Variants in PMEPA1 observed in about 807,000 individuals in gnomAD.
PMEPA1 encodes prostate transmembrane protein, androgen induced 1.
PMEPA1 carries 11 observed loss-of-function variants against 23.0 expected under a neutral mutation model. The observed-to-expected ratio is 0.48, with a 90% CI of 0.30 to 0.79. PMEPA1 has a LOEUF of 0.79. PMEPA1 is among the 30% of genes least tolerant of loss of function. The pLI is 0.06. For missense variants in PMEPA1, 377 were observed against 390.9 expected, an observed-to-expected ratio of 0.96 and a Z score of 0.30; for synonymous variants, 204 against 166.4, an observed-to-expected ratio of 1.23 and a Z score of -1.74.
chr20:57,652,189 G>A lies in PMEPA1; in HGVS notation c.728C>T (p.Ser243Phe), dbSNP rs754731494. The change falls in exon 4 of 4, where the codon TCC becomes TTC. Residue 243 changes from serine (S) to phenylalanine (F), a missense_variant. Physicochemically the swap from Ser to Phe is radical, Grantham distance 155. Transcript: ENST00000341744. This position sits in a 1 kb window ranked among gnomAD's most constrained non-coding sequence, Gnocchi z 6.1. The stretch of plus-strand genomic sequence containing the variant: ...CCCACTGCTCTGCTGGTGCTGGAAG[G>A]AGGACCCCGGGTAGTGGCCGATGAC... ...SEVIGHYPGS[S>F]FQHQQSSGPP... The A allele has an allele frequency of 9.3e-6, 15 of 1,609,696 alleles. No individual in the cohort carries two copies. Among genetic ancestry groups the A allele is most frequent in the Non-Finnish European group, 1.3e-5 (15 of 1,178,906 alleles).
In PMEPA1 at chr20:57,650,077, C is replaced by A. The variant is rs1478024091; in HGVS notation, c.*1976G>T. 6.6e-6 allele frequency: 1 copy of A among 152,426 alleles called. No individual in the cohort carries two copies. The highest frequency in any genetic ancestry group is 1.5e-5 in the Non-Finnish European group (1 of 68,022). The allele number at this position is 152,426 out of a possible 1,614,324, so 9.4% of individuals were successfully genotyped here. On this transcript the variant is annotated 3_prime_UTR_variant, in exon 4 of 4. Transcript: ENST00000341744. Reference sequence around the variant, plus strand: ...GGCAGGTTCTGCTGTTGCCAATGAACGAGAACTTTCTACTAGGCTGGCGGC... The same window carrying A: ...GGCAGGTTCTGCTGTTGCCAATGAAAGAGAACTTTCTACTAGGCTGGCGGC...
intron 1 of PMEPA1, among the ~76,000 whole-genome samples, chr20:57,662,135 G>C (rs2071430211): frequency 6.6e-6 from 1 of 152,198 alleles, no homozygotes; most frequent in Non-Finnish European, 1.5e-5. Context: ...CTGCACCCAG[G>C]GAACATGTGG....
At chr20:57,699,304 C>G (rs774557463) in intron 1 of PMEPA1, among the ~76,000 whole-genome samples, 1 of 152,234 alleles carries the variant, frequency 6.6e-6, no homozygotes, top group Non-Finnish European at 1.5e-5. Flanking sequence ...TACTTACCAT[C>G]GGCACCAACA....
rs1477511762 is a variant in PMEPA1 at position 57,709,716 on chromosome 20, T to G, written c.-134A>C. The G allele has an allele frequency of 1.0e-6, 1 of 976,564 alleles. No individual in the cohort carries two copies. Among genetic ancestry groups the G allele is most frequent in the East Asian group, 1.2e-4 (1 of 8,364 alleles). 60.5% of individuals were successfully genotyped at this position (976,564 alleles called of 1,614,324 possible). On this transcript the variant is annotated 5_prime_UTR_variant, in exon 1 of 4. Coordinates refer to ENST00000341744, the MANE Select transcript of PMEPA1 (RefSeq NM_020182.5). ...GGAGGCGCGCCCCGGCTCGCCGGGC[T>G]CGGGTCGCCGCCAAGTTCCCGGGGC...
chr20:57,701,379 A>C (rs185518418), intron 1 of PMEPA1, among the ~76,000 whole-genome samples: 1 of 152,224 alleles, frequency 6.6e-6, no homozygotes, highest in Admixed American at 6.5e-5. Context: ...TGCCAAGAAG[A>C]ATCACCCTAG....
At chr20:57,698,439 A>G (rs565444253) in intron 1 of PMEPA1, among the ~76,000 whole-genome samples, 4 of 152,244 alleles carry the variant, frequency 2.6e-5, no homozygotes, top group Admixed American at 6.5e-5. Context: ...AAATGACTCA[A>G]TAACGAGGAG....
chr20:57,683,558 T>TGTGCGTGTGA lies in PMEPA1; in HGVS notation c.110-23862_110-23861insTCACACGCAC, dbSNP rs1555882180. Among the ~76,000 whole-genome samples the TGTGCGTGTGA allele has an allele frequency of 4.3e-5, 6 of 141,096 alleles. No homozygotes were observed. The highest frequency in any genetic ancestry group is 1.7e-4 in the African/African-American group (6 of 35,694). The allele number at this position is 141,096 out of a possible 152,430, so 92.6% of individuals were successfully genotyped here. A position where few individuals can be genotyped will look rare whatever the true frequency, so the allele number is the denominator to read the frequency against. On this transcript the variant is annotated intron_variant, in intron 1 of 3. Coordinates refer to ENST00000341744, the MANE Select transcript of PMEPA1 (RefSeq NM_020182.5). The surrounding 1 kb of genome is among the most constrained non-coding windows in gnomAD (Gnocchi z 4.3). The stretch of plus-strand genomic sequence containing the variant: ...GGTGGTGTTCTGGCCTGTGTGCGTG[T>TGTGCGTGTGA]GTGTGTGTGTGTGTGTGTGTGTGTG...
At position 57,651,861 on chromosome 20, in the gene PMEPA1, T is replaced by C. The variant is rs538376088; in HGVS notation, c.*192A>G. 1.7e-3 allele frequency: 688 copies of C among 404,832 alleles called. 13 individuals are homozygous for C. The East Asian group carries it at 0.025, about 15-fold the overall frequency. The allele number at this position is 404,832 out of a possible 1,614,324, so 25.1% of individuals were successfully genotyped here. ...TTTTTTTTTTTCTTTTTTCTTTTTTTTTTTGCAAGCTCTCTTAGCTTGTGC... is the reference window on the plus strand; with the variant it reads ...TTTTTTTTTTTCTTTTTTCTTTTTTCTTTTGCAAGCTCTCTTAGCTTGTGC... On this transcript the variant is annotated 3_prime_UTR_variant, in exon 4 of 4. Transcript: ENST00000341744.
At chr20:57,674,902 G>C (rs897433218) in intron 1 of PMEPA1, among the ~76,000 whole-genome samples, 1 of 152,178 alleles carries the variant, frequency 6.6e-6, no homozygotes, top group African/African-American at 2.4e-5. Flanking sequence ...CAGAAATCAG[G>C]CTGGACTTAT....
At chr20:57,695,896 C>T (rs2146703765) in intron 1 of PMEPA1, among the ~76,000 whole-genome samples, 1 of 152,262 alleles carries the variant, frequency 6.6e-6, no homozygotes, top group South Asian at 2.1e-4. Context: ...TGCCACAGCC[C>T]CTCAGGTGGT....
chr20:57,654,232 T>C (rs2071293948), intron 2 of PMEPA1, among the ~76,000 whole-genome samples: 1 of 152,200 alleles, frequency 6.6e-6, no homozygotes, highest in Admixed American at 6.5e-5. Flanking sequence ...TATAGCTTCA[T>C]TGAAATATAA....
chr20:57,676,470 G>A lies in PMEPA1; in HGVS notation c.110-16773C>T, dbSNP rs146660990. 2.7e-3 allele frequency among the ~76,000 whole-genome samples: 412 copies of A among 152,356 alleles called. 1 individual carries two copies. The highest frequency in any genetic ancestry group is 9.5e-3 in the African/African-American group (395 of 41,570). On this transcript the variant is annotated intron_variant, in intron 1 of 3. Transcript: ENST00000341744. ...CATGGTGAATGCGTCAAGGATGTCA[G>A]GCGCACGTTTATTAACGATCTGGAG...
chr20:57,709,512 C>T lies in PMEPA1; in HGVS notation c.71G>A (p.Cys24Tyr). ...AAGQPNVSCT[C>Y]NCKRSLFQSM... The stretch of plus-strand genomic sequence containing the variant: ...CTGGAACAAAGAGCGTTTGCAGTTG[C>T]ACGTGCAGGAGACATTGGGCTGCCC... The change falls in exon 1 of 4, where the codon TGC becomes TAC. Residue 24 changes from cysteine to tyrosine, a missense_variant. Physicochemically the swap from Cys to Tyr is radical, Grantham distance 194 (BLOSUM62 -2). This residue lies in a region of PMEPA1 where 198 missense variants were observed against 196.3 expected (regional missense o/e 1.01). Transcript: ENST00000341744. 1.7e-6 allele frequency: 2 copies of T among 1,145,342 alleles called. No homozygotes were observed. Among genetic ancestry groups the T allele is most frequent in the South Asian group, 2.5e-5 (1 of 40,014 alleles). The allele number at this position is 1,145,342 out of a possible 1,614,324, so 70.9% of individuals were successfully genotyped here.
chr20:57,659,642 C>T lies in PMEPA1; in HGVS notation c.165G>A (p.Val55=), dbSNP rs145239374. Residue 55 remains valine, a synonymous_variant, in exon 2 of 4, where the codon GTG becomes GTA. Coordinates refer to ENST00000341744, the MANE Select transcript of PMEPA1 (RefSeq NM_020182.5). ...IIIVVVMMVM[V]VVITCLLSHY... ...GGCTCAGCAGGCACGTGATCACCAC[C>T]ACCATCACCATCATCACCACCACGA... 2.5e-6 allele frequency: 4 copies of T among 1,609,048 alleles called. No individual in the cohort carries two copies. Among genetic ancestry groups the T allele is most frequent in the Non-Finnish European group, 3.4e-6 (4 of 1,177,820 alleles).
At chr20:57,676,455 G>C (rs1462683980) in intron 1 of PMEPA1, among the ~76,000 whole-genome samples, 1 of 152,246 alleles carries the variant, frequency 6.6e-6, no homozygotes, top group Non-Finnish European at 1.5e-5. Flanking sequence ...CATGGTGAAT[G>C]CGTCAAGGAT....
chr20:57,705,410 A>G (rs1260271072), intron 1 of PMEPA1, among the ~76,000 whole-genome samples: 15 of 152,206 alleles, frequency 9.9e-5, no homozygotes, highest in Admixed American at 9.8e-4. Flanking sequence ...CTGTGGGTGA[A>G]AAGTCCCAGG....
At chr20:57,662,706 G>A (rs2071438488) in intron 1 of PMEPA1, among the ~76,000 whole-genome samples, 1 of 149,612 alleles carries the variant, frequency 6.7e-6, no homozygotes, top group South Asian at 2.1e-4. Context: ...TAACACCCAC[G>A]CCCCCCCACC....
Position 57,652,614 on chromosome 20 carries a change from C to T in PMEPA1, c.319-16G>A. ...AGACCTGCGGCTGGAGGAAGCAGAG[C>T]GGGAGTGAGGGAGGGCGGCTGTCTC... On this transcript the variant is annotated splice_polypyrimidine_tract_variant and intron_variant, in intron 3 of 3. Transcript: ENST00000341744. This position sits in a 1 kb window ranked among gnomAD's most constrained non-coding sequence, Gnocchi z 6.1. The T allele has an allele frequency of 1.4e-6, 2 of 1,455,624 alleles. No homozygotes were observed. Among genetic ancestry groups the T allele is most frequent in the Non-Finnish European group, 9.0e-7 (1 of 1,106,024 alleles). 90.2% of individuals were successfully genotyped at this position (1,455,624 alleles called of 1,614,324 possible).
At chr20:57,690,308 G>T in intron 1 of PMEPA1, 1 of 699,286 alleles carries the variant, frequency 1.4e-6, no homozygotes, top group Non-Finnish European at 2.3e-6. Context: ...CCCAGTGCCT[G>T]CACCCACCCC....
Sources: allele counts gnomAD v4.1 joint callset (sites outside exome capture counted in the v4.1 genomes callset), GRCh38; gene constraint gnomAD v4.1.1; regional missense constraint gnomAD v4.1.1; non-coding constraint Gnocchi (gnomAD v3.1); transcripts MANE v1.5; gene names NCBI Gene and HGNC (gene_info 2026-07-23, HGNC 2026-07-21).